Variants in TENT2 observed in about 807,000 individuals in gnomAD.
TENT2 encodes terminal nucleotidyltransferase 2.
In TENT2, 44 loss-of-function variants were observed where a neutral mutation model predicts 72.2. That is an observed-to-expected ratio of 0.61 (90% CI 0.48 to 0.78). The LOEUF (loss-of-function observed/expected upper bound fraction) is 0.78, where lower values mean the gene tolerates loss of function less well. Among genes scored for constraint, TENT2 ranks in the 30% least tolerant of loss-of-function variants. TENT2 has a pLI of 0.00. For synonymous variants in TENT2, 212 were observed against 192.5 expected, an observed-to-expected ratio of 1.10 and a Z score of -0.84; for missense variants, 541 against 569.6, an observed-to-expected ratio of 0.95 and a Z score of 0.51.
At chr5:79,667,169 G>A (rs1474658924) in intron 11 of TENT2, among the ~76,000 whole-genome samples, 1 of 152,122 alleles carries the variant, frequency 6.6e-6, no homozygotes, top group Non-Finnish European at 1.5e-5. Context: ...TTTAAAGGAA[G>A]TACAATCATT....
chr5:79,613,543 CTGAT>C (rs1456684455), intron 1 of TENT2, among the ~76,000 whole-genome samples: 2 of 152,146 alleles, frequency 1.3e-5, no homozygotes, highest in African/African-American at 2.4e-5. Context: ...CTAACACGTA[CTGAT>C]TAACAGCCAT....
chr5:79,616,046 G>A (rs1037529763), intron 1 of TENT2, among the ~76,000 whole-genome samples: 1 of 151,756 alleles, frequency 6.6e-6, no homozygotes, highest in African/African-American at 2.4e-5. Flanking sequence ...CCACCACCAC[G>A]CTAGCTAATT....
At chr5:79,622,095 G>A (rs1320406479) in intron 3 of TENT2, among the ~76,000 whole-genome samples, 1 of 152,032 alleles carries the variant, frequency 6.6e-6, no homozygotes, top group African/African-American at 2.4e-5. Flanking sequence ...GAGGTCAGGA[G>A]TTCGAGACCA....
intron 14 of TENT2, among the ~76,000 whole-genome samples, chr5:79,682,929 A>G (rs765976151): frequency 4.6e-5 from 7 of 152,280 alleles, no homozygotes; most frequent in Non-Finnish European, 1.0e-4. Context: ...AGGGGAGGGA[A>G]AGCTTTGTAG....
intron 12 of TENT2, among the ~76,000 whole-genome samples, chr5:79,669,785 TA>T (rs1811485355): frequency 6.6e-6 from 1 of 151,836 alleles, no homozygotes; most frequent in East Asian, 1.9e-4. Flanking sequence ...AAAATGGTTC[TA>T]AACATATATT....
At chr5:79,660,869 C>G (rs1032149833) in intron 11 of TENT2, among the ~76,000 whole-genome samples, 2 of 151,972 alleles carry the variant, frequency 1.3e-5, no homozygotes, top group Non-Finnish European at 2.9e-5. Context: ...TGATATTGTC[C>G]CCAAAGATCT....
chr5:79,668,304 C>T (rs1332833905), intron 11 of TENT2, among the ~76,000 whole-genome samples: 1 of 151,994 alleles, frequency 6.6e-6, no homozygotes, highest in East Asian at 1.9e-4. Context: ...ATTTTCCCTG[C>T]CTTCTTTGTC....
chr5:79,681,274 C>G (rs562872872), intron 13 of TENT2, among the ~76,000 whole-genome samples: 3 of 150,406 alleles, frequency 2.0e-5, no homozygotes, highest in African/African-American at 7.4e-5. Flanking sequence ...ATTCCCCTGC[C>G]TCAGCCTCCC....
intron 11 of TENT2, among the ~76,000 whole-genome samples, chr5:79,665,984 CTTTCTTTTTTTT>C (rs1303376699): frequency 7.0e-6 from 1 of 142,956 alleles, no homozygotes; most frequent in Non-Finnish European, 1.5e-5. Context: ...TTTTTTTTTT[CTTTCTTTTTTTT>C]TTAATGAGAC....
intron 11 of TENT2, among the ~76,000 whole-genome samples, chr5:79,662,382 ATG>A (rs1450232260): frequency 1.3e-5 from 2 of 152,192 alleles, no homozygotes; most frequent in African/African-American, 4.8e-5. Flanking sequence ...GGTATCTAGA[ATG>A]ATGACTCCTT....
chr5:79,619,710 A>G lies in TENT2; in HGVS notation c.62A>G (p.Asn21Ser), dbSNP rs765353270. Residue 21 changes from asparagine to serine, a missense_variant, in exon 2 of 15, where the codon AAC becomes AGC. By Grantham distance (46) the Asn-to-Ser change is conservative. Transcript: ENST00000453514. ...PFTPNHQQHN[N>S]FFTLSPTVYS... Reference sequence around the variant, plus strand: ...ACTCCAAATCATCAACAACATAATAACTTCTTTACCCTGTCACCTACTGTT... The same window carrying G: ...ACTCCAAATCATCAACAACATAATAGCTTCTTTACCCTGTCACCTACTGTT... 6.2e-7 allele frequency: 1 copy of G among 1,613,862 alleles called. No homozygotes were observed. Among genetic ancestry groups the G allele is most frequent in the South Asian group, 1.1e-5 (1 of 91,064 alleles).
At chr5:79,625,388 C>T (rs991776142) in intron 4 of TENT2, among the ~76,000 whole-genome samples, 6 of 152,124 alleles carry the variant, frequency 3.9e-5, no homozygotes, top group African/African-American at 1.4e-4. Context: ...CTTTGAAGCA[C>T]AAAAACCTTT....
At chr5:79,659,574 A>G (rs59466807) in intron 11 of TENT2, among the ~76,000 whole-genome samples, 4,647 of 120,336 alleles carry the variant, frequency 0.039, 497 homozygotes, top group East Asian at 0.091. Context: ...ATATATATAT[A>G]TATATATATA....
chr5:79,646,246 C>T (rs1444338516), intron 8 of TENT2, among the ~76,000 whole-genome samples: 1 of 152,154 alleles, frequency 6.6e-6, no homozygotes, highest in Non-Finnish European at 1.5e-5. Flanking sequence ...AGGCTTCGCT[C>T]AGGCATGAGT....
intron 11 of TENT2, among the ~76,000 whole-genome samples, chr5:79,658,214 A>G (rs1460998311): frequency 6.6e-6 from 1 of 152,170 alleles, no homozygotes; most frequent in Non-Finnish European, 1.5e-5. Context: ...TTCTGCTATT[A>G]TGAAGAATTA....
chr5:79,630,811 A>C (rs943990796), intron 4 of TENT2, among the ~76,000 whole-genome samples: 2 of 132,802 alleles, frequency 1.5e-5, no homozygotes, highest in South Asian at 2.3e-4. Context: ...GCAGTAACCT[A>C]TTCAGGTTTT....
intron 1 of TENT2, among the ~76,000 whole-genome samples, chr5:79,613,374 G>A (rs60414692): frequency 2.6e-5 from 4 of 152,178 alleles, no homozygotes; most frequent in Non-Finnish European, 4.4e-5. Flanking sequence ...AAGAAACAAA[G>A]GGAAACTGTA....
chr5:79,659,595 A>ATATAG (rs1561547891), intron 11 of TENT2, among the ~76,000 whole-genome samples: 13 of 79,180 alleles, frequency 1.6e-4, no homozygotes, highest in Non-Finnish European at 3.4e-4. Context: ...TATATATATA[A>ATATAG]TAGCCATCGT....
At chr5:79,665,861 G>A in intron 11 of TENT2, among the ~76,000 whole-genome samples, 1 of 151,692 alleles carries the variant, frequency 6.6e-6, no homozygotes, top group Non-Finnish European at 1.5e-5. Context: ...TGTTCTTTAT[G>A]TACTTTCTAA....
Sources: allele counts gnomAD v4.1 joint callset (sites outside exome capture counted in the v4.1 genomes callset), GRCh38; gene constraint gnomAD v4.1.1; transcripts MANE v1.5; gene names NCBI Gene and HGNC (gene_info 2026-07-23, HGNC 2026-07-21).